The following CCL11 variants were observed in gnomAD, a reference collection of about 807,000 sequenced individuals.
CCL11 encodes the protein C-C motif chemokine ligand 11.
In CCL11, 7 loss-of-function variants were observed where a neutral mutation model predicts 7.3. The ratio of observed to expected loss-of-function variants is 0.96; its 90% CI spans 0.55 to 1.81. CCL11 has a LOEUF of 1.81. CCL11 is among the 40% of genes most tolerant of loss of function. CCL11 has a pLI of 0.00. For synonymous variants in CCL11, 66 were observed against 45.2 expected (o/e 1.46, Z -1.84); for missense variants, 132 against 114.2 (o/e 1.16, Z -0.71).
chr17:34,285,795 C>G lies in CCL11; in HGVS notation c.-14C>G, dbSNP rs137995665. 16 of 1,608,498 alleles carry G rather than the reference C, an allele frequency of 9.9e-6. No individual in the cohort carries two copies. In the East Asian group the frequency reaches 3.4e-4, roughly 34 times the overall value. On this transcript the variant is annotated 5_prime_UTR_variant, in exon 1 of 3. Coordinates refer to ENST00000305869, the MANE Select transcript of CCL11 (RefSeq NM_002986.3). Reference sequence around the variant, plus strand: ...CCACCTCTCACGCCAAAGCTCACACCTTCAGCCTCCAACATGAAGGTCTCC... The same window carrying G: ...CCACCTCTCACGCCAAAGCTCACACGTTCAGCCTCCAACATGAAGGTCTCC...
At chr17:34,285,985 A>C in intron 1 of CCL11, 101 bp downstream of exon 1, 1 of 779,202 alleles carries the variant, frequency 1.3e-6, no homozygotes, top group Non-Finnish European at 2.1e-6. Flanking sequence ...CTCCATTTGA[A>C]AAATAGGGAA....
chr17:34,286,126 C>T (rs909856035), intron 1 of CCL11, among the ~76,000 whole-genome samples: 3 of 152,170 alleles, frequency 2.0e-5, no homozygotes, highest in Admixed American at 2.0e-4. Context: ...CCCAGCTATC[C>T]TTACAGTGTT....
At chr17:34,286,599 T>C (rs961934541) in intron 1 of CCL11, among the ~76,000 whole-genome samples, 1 of 152,232 alleles carries the variant, frequency 6.6e-6, no homozygotes, top group Non-Finnish European at 1.5e-5. Flanking sequence ...TGATGGATAC[T>C]GTGATAAAGC....
At chr17:34,286,378 G>A (rs1055109521) in intron 1 of CCL11, among the ~76,000 whole-genome samples, 6 of 152,176 alleles carry the variant, frequency 3.9e-5, no homozygotes, top group African/African-American at 1.2e-4. Context: ...ATACTCTGGT[G>A]ACAAATTTAC....
Position 34,287,798 on chromosome 17 carries a change from G to T in CCL11, c.*108G>T. ...CTCATTATCAGTCCAAAGGGCATGG[G>T]TTTTATTATATATATATATTTTTTT... On this transcript the variant is annotated 3_prime_UTR_variant, in exon 3 of 3. Coordinates refer to ENST00000305869, the MANE Select transcript of CCL11 (RefSeq NM_002986.3). The T allele has an allele frequency of 6.2e-6, 3 of 487,070 alleles. No individual in the cohort carries two copies. The highest frequency in any genetic ancestry group is 7.3e-6 in the Non-Finnish European group (2 of 274,168). The allele number at this position is 487,070 out of a possible 1,614,324, so 30.2% of individuals were successfully genotyped here. A position where few individuals can be genotyped will look rare whatever the true frequency, so the allele number is the denominator to read the frequency against.
intron 2 of CCL11, 60 bp downstream of exon 2, chr17:34,287,267 A>G: frequency 8.3e-7 from 1 of 1,207,776 alleles, no homozygotes; most frequent in Non-Finnish European, 1.2e-6. Context: ...GCACAGAGTC[A>G]AGAACTGTGT....
intron 1 of CCL11, 62 bp downstream of exon 1, chr17:34,285,946 C>T: frequency 1.7e-6 from 2 of 1,154,440 alleles, no homozygotes; most frequent in Non-Finnish European, 2.5e-6. Flanking sequence ...ACTAGGTCAG[C>T]AAGAATCTTT....
At position 34,287,165 on chromosome 17, in the gene CCL11, A is replaced by G; in HGVS notation, c.146A>G (p.Tyr49Cys). The change falls in exon 2 of 3, where the codon TAC (tyrosine) becomes TGC (cysteine). Residue 49 changes from tyrosine to cysteine, a missense_variant. Physicochemically the swap from Tyr to Cys is radical, Grantham distance 194 (BLOSUM62 -2). Coordinates refer to ENST00000305869, the MANE Select transcript of CCL11 (RefSeq NM_002986.3). ...RKIPLQRLES[Y>C]RRITSGKCPQ... is the part of the protein sequence containing the mutation. ...ATACCCCTTCAGCGACTAGAGAGCTACAGGAGAATCACCAGTGGCAAATGT... is the reference window on the plus strand; with the variant it reads ...ATACCCCTTCAGCGACTAGAGAGCTGCAGGAGAATCACCAGTGGCAAATGT... The G allele has an allele frequency of 1.9e-6, 3 of 1,614,042 alleles. No individual in the cohort carries two copies. Among genetic ancestry groups the G allele is most frequent in the Non-Finnish European group, 2.5e-6 (3 of 1,179,900 alleles).
rs1408903071 is a variant in CCL11, at chr17:34,287,813, TA to T, written c.*124del. On this transcript the variant is annotated 3_prime_UTR_variant, in exon 3 of 3. Transcript: ENST00000305869. ...AAGGGCATGGGTTTTATTATATATATATATTTTTTTTTTTAAAAAAAAAACG... is the reference window on the plus strand; with the variant it reads ...AAGGGCATGGGTTTTATTATATATATTATTTTTTTTTTTAAAAAAAAAACG... 27 of 311,620 alleles carry T rather than the reference TA, an allele frequency of 8.7e-5. No homozygotes were observed. The highest frequency in any genetic ancestry group is 8.2e-4 in the African/African-American group (20 of 24,520). The allele number at this position is 311,620 out of a possible 1,614,324, so 19.3% of individuals were successfully genotyped here.
chr17:34,287,495 T>G, intron 2 of CCL11, 90 bp from the exon 3 acceptor site: 1 of 913,272 alleles, frequency 1.1e-6, no homozygotes, highest in Non-Finnish European at 1.8e-6. Context: ...CAACCCTTTG[T>G]CCAGGGGCAG....
chr17:34,285,997 C>T (rs1908621102), intron 1 of CCL11, 113 bp downstream of exon 1: 1 of 729,712 alleles, frequency 1.4e-6, no homozygotes, highest in Non-Finnish European at 2.3e-6. Flanking sequence ...AATAGGGAAA[C>T]AGGTTTTGTG....
At chr17:34,287,046 A>G (rs759569752) in intron 1 of CCL11, 50 bp from the exon 2 acceptor site, 3 of 1,231,688 alleles carry the variant, frequency 2.4e-6, no homozygotes, top group Non-Finnish European at 3.6e-6. Context: ...TCTATGTATC[A>G]TCATGTGGCT....
rs1230484271 is a variant in CCL11, at chr17:34,288,005, TG to T, written c.*316del. ...TCTCCTCTCTTCCTCCCTGGAATCT[TG>T]TAAAGGTCCTGGCAAAGATGATCAG... On this transcript the variant is annotated 3_prime_UTR_variant, in exon 3 of 3. Transcript: ENST00000305869. 6.2e-6 allele frequency: 1 copy of T among 162,108 alleles called. No individual in the cohort carries two copies. The highest frequency in any genetic ancestry group is 1.3e-5 in the Non-Finnish European group (1 of 74,956). The allele number at this position is 162,108 out of a possible 1,614,324, so 10.0% of individuals were successfully genotyped here.
intron 2 of CCL11, 46 bp downstream of exon 2, chr17:34,287,253 T>C: frequency 7.5e-7 from 1 of 1,339,858 alleles, no homozygotes. Context: ...AAATAATGTC[T>C]AGGGCACAGA....
rs766635251 is a variant in CCL11 at position 34,285,868 on chromosome 17, G to A, written c.60G>A (p.Gln20=). The A allele has an allele frequency of 3.1e-6, 5 of 1,611,418 alleles. No homozygotes were observed. Among genetic ancestry groups the A allele is most frequent in the Non-Finnish European group, 2.5e-6 (3 of 1,178,792 alleles). Residue 20 remains glutamine (Q), a synonymous_variant, in exon 1 of 3, where the codon CAG becomes CAA. Coordinates refer to ENST00000305869, the MANE Select transcript of CCL11 (RefSeq NM_002986.3). ...TCATAGCAGCTGCCTTCAGCCCCCA[G>A]GGGCTCGCTGGGCCAGGTAAGCCCC... ...LLLIAAAFSP[Q]GLAGPASVPT...
In CCL11 at chr17:34,287,813, TATA is replaced by T. The variant is rs1908686184; in HGVS notation, c.*124_*126del. 9.6e-6 allele frequency: 3 copies of T among 311,620 alleles called. No individual in the cohort carries two copies. In the African/African-American group the frequency reaches 1.2e-4, roughly 13 times the overall value. 19.3% of individuals were successfully genotyped at this position (311,620 alleles called of 1,614,324 possible). On this transcript the variant is annotated 3_prime_UTR_variant, in exon 3 of 3. Coordinates refer to ENST00000305869, the MANE Select transcript of CCL11 (RefSeq NM_002986.3). Reference sequence around the variant, plus strand: ...AAGGGCATGGGTTTTATTATATATATATATTTTTTTTTTTAAAAAAAAAACGTA... The same window carrying T: ...AAGGGCATGGGTTTTATTATATATATTTTTTTTTTTTAAAAAAAAAACGTA...
At chr17:34,287,421 G>A (rs1210344319) in intron 2 of CCL11, among the ~76,000 whole-genome samples, 164 bp from the exon 3 acceptor site, 3 of 152,084 alleles carry the variant, frequency 2.0e-5, no homozygotes, top group African/African-American at 7.2e-5. Flanking sequence ...GAGCAAAGAT[G>A]GTTTTACTGG....
At chr17:34,286,279 C>G (rs184000259) in intron 1 of CCL11, among the ~76,000 whole-genome samples, 1 of 152,208 alleles carries the variant, frequency 6.6e-6, no homozygotes, top group African/African-American at 2.4e-5. Flanking sequence ...AAGAGAAGAA[C>G]GAGGTCCCAG....
rs201906937 is a variant in CCL11 at position 34,287,829 on chromosome 17, A to T, written c.*139A>T. ...TTATATATATATATTTTTTTTTTTA[A>T]AAAAAAAACGTATTGCATTTAATTT... On this transcript the variant is annotated 3_prime_UTR_variant, in exon 3 of 3. Transcript: ENST00000305869. 4,608 of 197,862 alleles carry T rather than the reference A, an allele frequency of 0.023. 52 individuals are homozygous for T. Among genetic ancestry groups the T allele is most frequent in the Middle Eastern group, 0.054 (43 of 796 alleles). 12.3% of individuals were successfully genotyped at this position (197,862 alleles called of 1,614,324 possible).
Sources: allele counts gnomAD v4.1 joint callset (sites outside exome capture counted in the v4.1 genomes callset), GRCh38; gene constraint gnomAD v4.1.1; transcripts MANE v1.5; gene names NCBI Gene and HGNC (gene_info 2026-07-23, HGNC 2026-07-21).